The following ABCA8 variants were observed in gnomAD, a reference collection of about 807,000 sequenced individuals.
ABCA8 encodes the protein ATP binding cassette subfamily A member 8.
In ABCA8, 177 loss-of-function variants were observed where a neutral mutation model predicts 192.3. The observed-to-expected ratio is 0.92, with a 90% CI of 0.81 to 1.04. The LOEUF is 1.04. ABCA8 is among the 50% of genes least tolerant of loss of function. ABCA8 has a pLI of 0.00. For synonymous variants in ABCA8, 642 were observed against 690.2 expected (o/e 0.93, Z 1.09); for missense variants, 1,915 against 1,904.8 (o/e 1.01, Z -0.10).
At chr17:68,901,154 TATC>T (rs1440032191) in intron 21 of ABCA8, among the ~76,000 whole-genome samples, 6 of 152,196 alleles carry the variant, frequency 3.9e-5, no homozygotes, top group South Asian at 2.1e-4. Flanking sequence ...TATCTGTAAA[TATC>T]ATGAAATGCA....
chr17:68,883,766 A>T (rs983877003), intron 29 of ABCA8, 25 bp downstream of exon 29: 4 of 1,410,066 alleles, frequency 2.8e-6, no homozygotes, highest in Non-Finnish European at 3.9e-6. Context: ...TCAACAAAAT[A>T]AAAATCTGAT....
intron 17 of ABCA8, 29 bp downstream of exon 17, chr17:68,917,332 C>G: frequency 7.1e-7 from 1 of 1,407,964 alleles, no homozygotes; most frequent in South Asian, 1.2e-5. Flanking sequence ...TACACTAGAT[C>G]TACTCCCAGC....
rs746865384 is a variant in ABCA8 at position 68,918,128 on chromosome 17, A to G, written c.1966T>C (p.Trp656Arg). The G allele has an allele frequency of 1.1e-5, 17 of 1,614,072 alleles. No homozygotes were observed. The highest frequency in any genetic ancestry group is 1.4e-5 in the Non-Finnish European group (17 of 1,180,030). ...GLDPFSRHQV[W>R]NLLKERKTDR... Reference sequence around the variant, plus strand: ...GTTTTGCGTTCTTTCAGAAGGTTCCATACTTGGTGTCTTGAAAAGGGATCC... The same window carrying G: ...GTTTTGCGTTCTTTCAGAAGGTTCCGTACTTGGTGTCTTGAAAAGGGATCC... The change falls in exon 16 of 40, where the codon TGG becomes CGG. Residue 656 changes from tryptophan to arginine, a missense_variant. Transcript: ENST00000586539.
Position 68,937,200 on chromosome 17 carries a change from A to T in ABCA8, c.302-85T>A. 3 of 1,151,500 alleles carry T rather than the reference A, an allele frequency of 2.6e-6. No individual in the cohort carries two copies. The Admixed American group carries it at 8.4e-5, about 32-fold the overall frequency. The allele number at this position is 1,151,500 out of a possible 1,614,324, so 71.3% of individuals were successfully genotyped here. On this transcript the variant is annotated intron_variant, in intron 4 of 39. Transcript: ENST00000586539. ...TGTCATGTTGAATTGCTTTTACTAG[A>T]GTTTTCTATGGAAATAAAACATTAT...
Position 68,868,009 on chromosome 17 carries a change from T to C in ABCA8, c.*76A>G. ...GTACTTATAATATAGTTTCTAAAAA[T>C]AGAACATTGCTGCTATAAAAATAAA... is the stretch of plus-strand genomic sequence containing the variant. On this transcript the variant is annotated 3_prime_UTR_variant, in exon 40 of 40. Coordinates refer to ENST00000586539, the MANE Select transcript of ABCA8 (RefSeq NM_001288985.2). 5 of 1,079,868 alleles carry C rather than the reference T, an allele frequency of 4.6e-6. No individual in the cohort carries two copies. Among genetic ancestry groups the C allele is most frequent in the Non-Finnish European group, 2.7e-6 (2 of 754,062 alleles). 66.9% of individuals were successfully genotyped at this position (1,079,868 alleles called of 1,614,324 possible).
At chr17:68,897,674 A>T (rs893557182) in intron 21 of ABCA8, among the ~76,000 whole-genome samples, 2 of 152,200 alleles carry the variant, frequency 1.3e-5, no homozygotes. Context: ...AGTAATAAAG[A>T]ACCAAATAGA....
intron 22 of ABCA8, chr17:68,894,645 G>C (rs905238976): frequency 1.9e-6 from 1 of 516,108 alleles, no homozygotes; most frequent in Non-Finnish European, 3.3e-6. Context: ...TGAAATGTTC[G>C]AACTTATATA....
Position 68,885,350 on chromosome 17 carries a change from A to C in ABCA8, c.3430-35T>G, listed in dbSNP as rs555386402. ...GCAAATATGAAGGTTAATCACTCTG[A>C]ATTTCAATGTAAGTTCCAAATCGAG... On this transcript the variant is annotated intron_variant, in intron 26 of 39. Coordinates refer to ENST00000586539, the MANE Select transcript of ABCA8 (RefSeq NM_001288985.2). The C allele has an allele frequency of 5.3e-5, 83 of 1,567,440 alleles. No homozygotes were observed. The South Asian group carries it at 8.3e-4, about 16-fold the overall frequency.
rs1053723629 is a variant in ABCA8 at position 68,911,670 on chromosome 17, A to T, written c.2139-3791T>A. Among the ~76,000 whole-genome samples the T allele has an allele frequency of 1.3e-5, 2 of 151,900 alleles. No homozygotes were observed. Among genetic ancestry groups the T allele is most frequent in the East Asian group, 3.9e-4 (2 of 5,146 alleles). ...ATTGGCTTTAGATCTGACCCAGCAT[A>T]ATCCTAGTGGTGGTGGCCACAGGGG... On this transcript the variant is annotated intron_variant, in intron 17 of 39. Transcript: ENST00000586539. The surrounding 1 kb of genome is among the most constrained non-coding windows in gnomAD (Gnocchi z 5.7).
Position 68,876,655 on chromosome 17 carries a change from C to A in ABCA8, c.4248G>T (p.Lys1416Asn). 7 of 1,614,194 alleles carry A rather than the reference C, an allele frequency of 4.3e-6. No individual in the cohort carries two copies. The highest frequency in any genetic ancestry group is 5.9e-6 in the Non-Finnish European group (7 of 1,180,016). Residue 1416 changes from lysine to asparagine, a missense_variant, in exon 34 of 40, where the codon AAG (lysine) becomes AAT (asparagine). Physicochemically the swap from Lys to Asn is moderately conservative, Grantham distance 94 (BLOSUM62 0). Coordinates refer to ENST00000586539, the MANE Select transcript of ABCA8 (RefSeq NM_001288985.2). Reference protein sequence around the residue: ...KLQDQLKSPVKTLSEGIKRKL... With the variant: ...KLQDQLKSPVNTLSEGIKRKL... ...TTCTCTTTATTCCCTCTGACAAGGT[C>A]TTCACGGGAGACTTCAGCTGGTCCT...
Position 68,887,925 on chromosome 17 carries a change from T to TTA in ABCA8, c.3145-421_3145-420dup, listed in dbSNP as rs1555607450. The stretch of plus-strand genomic sequence containing the variant: ...ATATATATCCATATATATATATATA[T>TTA]TATATATGGATATATATATTATATA... On this transcript the variant is annotated intron_variant, in intron 24 of 39. Transcript: ENST00000586539. Among the ~76,000 whole-genome samples the TTA allele has an allele frequency of 7.4e-4, 75 of 101,016 alleles. 1 individual carries two copies. Among genetic ancestry groups the TTA allele is most frequent in the African/African-American group, 2.8e-3 (70 of 24,798 alleles). 66.3% of individuals were successfully genotyped at this position (101,016 alleles called of 152,430 possible). A position where few individuals can be genotyped will look rare whatever the true frequency, so the allele number is the denominator to read the frequency against.
At chr17:68,892,749 A>T (rs2066646622) in intron 23 of ABCA8, among the ~76,000 whole-genome samples, 1 of 152,198 alleles carries the variant, frequency 6.6e-6, no homozygotes, top group Admixed American at 6.5e-5. Flanking sequence ...TACTTTAATG[A>T]TTAAGTTTCT....
At position 68,911,492 on chromosome 17, in the gene ABCA8, C is replaced by A. The variant is rs2067226033; in HGVS notation, c.2139-3613G>T. Among the ~76,000 whole-genome samples, 1 of 152,070 alleles carries A rather than the reference C, an allele frequency of 6.6e-6. No homozygotes were observed. Among genetic ancestry groups the A allele is most frequent in the Non-Finnish European group, 1.5e-5 (1 of 67,990 alleles). On this transcript the variant is annotated intron_variant, in intron 17 of 39. Coordinates refer to ENST00000586539, the MANE Select transcript of ABCA8 (RefSeq NM_001288985.2). This position sits in a 1 kb window ranked among gnomAD's most constrained non-coding sequence, Gnocchi z 5.7. ...TCCCAGAAGGCATTTCTGGACCCAC[C>A]CTGGGCCAGTGGGAAGCTTGCCACC...
At chr17:68,869,855 C>A in intron 37 of ABCA8, 76 bp from the exon 38 acceptor site, 2 of 938,660 alleles carry the variant, frequency 2.1e-6, no homozygotes, top group South Asian at 3.0e-5. Context: ...TCTCTCTGGT[C>A]TTTTTTTTTC....
intron 10 of ABCA8, among the ~76,000 whole-genome samples, chr17:68,926,514 A>C (rs1185647155): frequency 6.6e-6 from 1 of 152,224 alleles, no homozygotes; most frequent in African/African-American, 2.4e-5. Flanking sequence ...ATATTTAAGT[A>C]TGTGTCTTAA....
At chr17:68,892,716 C>G (rs955495622) in intron 23 of ABCA8, among the ~76,000 whole-genome samples, 1 of 152,138 alleles carries the variant, frequency 6.6e-6, no homozygotes, top group African/African-American at 2.4e-5. Context: ...TTAATTAATA[C>G]TTGGTGGGTC....
intron 24 of ABCA8, 78 bp downstream of exon 24, chr17:68,891,411 A>G: frequency 1.0e-6 from 1 of 995,044 alleles, no homozygotes; most frequent in Non-Finnish European, 1.5e-6. Context: ...ATGTAGAAAT[A>G]TTCTTATGAA....
chr17:68,945,554 A>G (rs1025407853), intron 2 of ABCA8, among the ~76,000 whole-genome samples: 1 of 152,144 alleles, frequency 6.6e-6, no homozygotes, highest in African/African-American at 2.4e-5. Flanking sequence ...ACATTCCTTC[A>G]TATTCTTCTA....
chr17:68,901,373 A>G (rs975440421), intron 21 of ABCA8, among the ~76,000 whole-genome samples: 1 of 152,230 alleles, frequency 6.6e-6, no homozygotes, highest in African/African-American at 2.4e-5. Flanking sequence ...ATCACACGAA[A>G]AGATGCTCAA....
Sources: allele counts gnomAD v4.1 joint callset (sites outside exome capture counted in the v4.1 genomes callset), GRCh38; gene constraint gnomAD v4.1.1; non-coding constraint Gnocchi (gnomAD v3.1); transcripts MANE v1.5; gene names NCBI Gene and HGNC (gene_info 2026-07-23, HGNC 2026-07-21).